TESK2: variants seen among roughly 807,000 people sequenced by gnomAD.
TESK2 encodes the protein testis associated actin remodelling kinase 2.
TESK2 carries 39 observed loss-of-function variants against 57.1 expected under a neutral mutation model. That is an observed-to-expected ratio of 0.68 (90% confidence interval 0.53 to 0.89). The LOEUF (loss-of-function observed/expected upper bound fraction) is 0.89, where lower values mean the gene tolerates loss of function less well. Among genes scored for constraint, TESK2 ranks in the 40% least tolerant of loss-of-function variants. The probability of loss-of-function intolerance (pLI) is 0.00; values close to 1 mark genes in which losing one functional copy is unlikely to be tolerated. For synonymous variants in TESK2, 249 were observed against 267.9 expected (o/e 0.93, Z 0.69); for missense variants, 646 against 732.1 (o/e 0.88, Z 1.36).
chr1:45,348,799 TC>T (rs1647190186), intron 5 of TESK2, among the ~76,000 whole-genome samples: 1 of 152,172 alleles, frequency 6.6e-6, no homozygotes, highest in Admixed American at 6.5e-5. Context: ...TCTATGCCAC[TC>T]CTCTTACAGT....
chr1:45,346,760 T>C lies in TESK2; in HGVS notation c.812A>G (p.Asp271Gly). 6.2e-7 allele frequency: 1 copy of C among 1,614,022 alleles called. No homozygotes were observed. Among genetic ancestry groups the C allele is most frequent in the Non-Finnish European group, 8.5e-7 (1 of 1,179,946 alleles). ...GTCTCCCACCATGTGCTGGAAAGCA[T>C]CATAGTCCAGCCCGAAATTCTGTGG... ...PRTENFGLDY[D>G]AFQHMVGDCP... The change falls in exon 9 of 11, where the codon GAT (aspartate) becomes GGT (glycine). Residue 271 changes from aspartate to glycine, a missense_variant. Coordinates refer to ENST00000372086, the MANE Select transcript of TESK2 (RefSeq NM_007170.3).
intron 1 of TESK2, among the ~76,000 whole-genome samples, chr1:45,464,576 G>T (rs1238197836): frequency 6.6e-6 from 1 of 152,192 alleles, no homozygotes; most frequent in African/African-American, 2.4e-5. Flanking sequence ...TTGGCACACA[G>T]AAATGCTACT....
At chr1:45,407,180 GGCTC>G (rs1649880156) in intron 3 of TESK2, among the ~76,000 whole-genome samples, 1 of 152,026 alleles carries the variant, frequency 6.6e-6, no homozygotes, top group Non-Finnish European at 1.5e-5. Flanking sequence ...TGAACTCTTG[GGCTC>G]AAGAGATCCT....
chr1:45,456,457 T>G (rs554877991), intron 2 of TESK2, among the ~76,000 whole-genome samples: 83 of 151,760 alleles, frequency 5.5e-4, no homozygotes, highest in Non-Finnish European at 9.9e-4. Context: ...AAGCAGAGGT[T>G]GCAGTGAGCC....
At chr1:45,418,636 A>G (rs1295987345) in intron 3 of TESK2, among the ~76,000 whole-genome samples, 1 of 152,194 alleles carries the variant, frequency 6.6e-6, no homozygotes, top group Non-Finnish European at 1.5e-5. Flanking sequence ...GTGAAGATGA[A>G]ATCTTTAAAT....
In TESK2 at chr1:45,354,185, C is replaced by T. The variant is rs139170140; in HGVS notation, c.540+1118G>A. Among the ~76,000 whole-genome samples the T allele has an allele frequency of 1.7e-3, 254 of 152,332 alleles. 1 individual carries two copies. The highest frequency in any genetic ancestry group is 6.2e-4 in the South Asian group (3 of 4,832). The stretch of plus-strand genomic sequence containing the variant: ...ACATATTCAGGAGATTGAAGTTAAA[C>T]ATGAAGGCTCTCAAGATGTATGAGT... On this transcript the variant is annotated intron_variant, in intron 5 of 10. Coordinates refer to ENST00000372086, the MANE Select transcript of TESK2 (RefSeq NM_007170.3).
At chr1:45,388,585 T>A (rs918122133) in intron 3 of TESK2, among the ~76,000 whole-genome samples, 4 of 152,204 alleles carry the variant, frequency 2.6e-5, no homozygotes, top group African/African-American at 9.6e-5. Flanking sequence ...CTGTGTGACT[T>A]GTAAAGACTA....
intron 2 of TESK2, among the ~76,000 whole-genome samples, chr1:45,445,510 G>C (rs1199122849): frequency 4.0e-5 from 6 of 151,776 alleles, no homozygotes; most frequent in South Asian, 2.1e-4. Flanking sequence ...GCCACGACCA[G>C]GTGCAGTGGC....
intron 4 of TESK2, among the ~76,000 whole-genome samples, chr1:45,369,799 C>A (rs1399715662): frequency 1.3e-5 from 2 of 151,752 alleles, no homozygotes; most frequent in African/African-American, 4.8e-5. Flanking sequence ...GCAACCTCCA[C>A]CTCCTGGGTT....
At chr1:45,456,811 T>C (rs987522737) in intron 2 of TESK2, among the ~76,000 whole-genome samples, 1 of 152,218 alleles carries the variant, frequency 6.6e-6, no homozygotes, top group African/African-American at 2.4e-5. Flanking sequence ...TAGCTATTTG[T>C]AGTAATGGAA....
At chr1:45,385,696 ATGTGTG>A (rs199702121) in intron 4 of TESK2, among the ~76,000 whole-genome samples, 1 of 141,802 alleles carries the variant, frequency 7.1e-6, no homozygotes, top group African/African-American at 2.6e-5. Context: ...CTTAAAGTGT[ATGTGTG>A]TGTGTGTGTA....
intron 4 of TESK2, 112 bp from the exon 5 acceptor site, chr1:45,355,561 T>C: frequency 8.0e-7 from 1 of 1,253,794 alleles, no homozygotes. Flanking sequence ...TTTTTTTAAG[T>C]TACTGAGGGC....
At chr1:45,363,282 G>T (rs1647772075) in intron 4 of TESK2, among the ~76,000 whole-genome samples, 1 of 152,124 alleles carries the variant, frequency 6.6e-6, no homozygotes, top group Non-Finnish European at 1.5e-5. Flanking sequence ...CCTCCCTTAG[G>T]TTATTCCATT....
At chr1:45,354,192 G>T (rs1484371109) in intron 5 of TESK2, among the ~76,000 whole-genome samples, 1 of 152,154 alleles carries the variant, frequency 6.6e-6, no homozygotes, top group East Asian at 1.9e-4. Context: ...AAACATGAAG[G>T]CTCTCAAGAT....
At chr1:45,415,372 C>T (rs1452396831) in intron 3 of TESK2, 13 of 923,828 alleles carry the variant, frequency 1.4e-5, no homozygotes, top group African/African-American at 1.6e-5. Context: ...TTATTTTAAC[C>T]ACCAGACCAT....
intron 4 of TESK2, among the ~76,000 whole-genome samples, chr1:45,377,414 A>G (rs7553318): frequency 0.28 from 41,460 of 149,464 alleles, 6,060 homozygotes; most frequent in Admixed American, 0.4. Context: ...TAATAAGAGA[A>G]CAAGGATTTT....
At chr1:45,398,993 A>G (rs765333035) in intron 3 of TESK2, 3 of 433,366 alleles carry the variant, frequency 6.9e-6, no homozygotes, top group Non-Finnish European at 1.4e-5. Context: ...GAAAAAAAAA[A>G]AAAAAAAAAA....
At chr1:45,441,467 G>A (rs1225603753) in intron 2 of TESK2, among the ~76,000 whole-genome samples, 4 of 151,822 alleles carry the variant, frequency 2.6e-5, no homozygotes, top group African/African-American at 7.3e-5. Context: ...GTGAGCCACC[G>A]CACCCAGCCT....
chr1:45,448,249 AAAAAAAG>A (rs1399771941), intron 2 of TESK2, among the ~76,000 whole-genome samples: 8 of 149,302 alleles, frequency 5.4e-5, no homozygotes, highest in East Asian at 1.9e-4. Context: ...AAAAAAAAAA[AAAAAAAG>A]AAAAAAGAAA....
Sources: gnomAD v4.1 joint callset for allele counts (sites outside exome capture counted in the v4.1 genomes callset) on GRCh38, gnomAD v4.1.1 for gene constraint, MANE v1.5 for transcripts, NCBI Gene and HGNC (gene_info 2026-07-23, HGNC 2026-07-21) for gene names.